Variants in PAPOLA observed in about 807,000 individuals in gnomAD.
PAPOLA encodes poly(A) polymerase alpha, also known as polynucleotide adenylyltransferase alpha.
In PAPOLA, 15 loss-of-function variants were observed where a neutral mutation model predicts 100.6. The ratio of observed to expected loss-of-function variants is 0.15; its 90% confidence interval spans 0.10 to 0.23. PAPOLA has a LOEUF of 0.23. Among genes scored for constraint, PAPOLA ranks in the 10% least tolerant of loss-of-function variants. The pLI, the probability that PAPOLA is intolerant of heterozygous loss-of-function variation, is 1.00. For missense variants in PAPOLA, 533 were observed against 884.2 expected (o/e 0.60, Z 5.04); for synonymous variants, 293 against 300.0 (o/e 0.98, Z 0.24).
At position 96,547,855 on chromosome 14, in the gene PAPOLA, G is replaced by T; in HGVS notation, c.1458G>T (p.Met486Ile). ...MFEVDMKIAA[M>I]HVKRKQLHQL... is the part of the protein sequence containing the mutation. ...AGGTGGATATGAAAATTGCTGCAAT[G>T]CATGTAAAAAGAAAGCAACTCCATC... The change falls in exon 16 of 22, where the codon ATG becomes ATT. Residue 486 changes from methionine to isoleucine, a missense_variant. Physicochemically the swap from Met to Ile is conservative, Grantham distance 10. This residue lies in a region of PAPOLA where 18 missense variants were observed against 74.9 expected (regional missense o/e 0.24). Transcript: ENST00000216277. The T allele has an allele frequency of 6.2e-7, 1 of 1,611,010 alleles. No individual in the cohort carries two copies. The highest frequency in any genetic ancestry group is 1.7e-4 in the Middle Eastern group (1 of 6,046).
intron 9 of PAPOLA, chr14:96,533,009 A>G (rs1187079805): frequency 2.0e-6 from 2 of 988,172 alleles, no homozygotes; most frequent in East Asian, 1.1e-4. Context: ...TTCTCTATCT[A>G]TAGGCCATTA....
chr14:96,509,965 CT>C lies in PAPOLA; in HGVS notation c.8+7385del, dbSNP rs11372552. Among the ~76,000 whole-genome samples, 185 of 84,424 alleles carry C rather than the reference CT, an allele frequency of 2.2e-3. 3 individuals carry two copies. In the East Asian group the frequency reaches 0.034, roughly 16 times the overall value. The allele number at this position is 84,424 out of a possible 152,430, so 55.4% of individuals were successfully genotyped here. On this transcript the variant is annotated intron_variant, in intron 1 of 21. Coordinates refer to ENST00000216277, the MANE Select transcript of PAPOLA (RefSeq NM_032632.5). Reference sequence around the variant, plus strand: ...TGGCCAGTACCTTTTGTGGGAGTTGCTTTTTTTTTTTTTTTTTTTTAATCTT... The same window carrying C: ...TGGCCAGTACCTTTTGTGGGAGTTGCTTTTTTTTTTTTTTTTTTTAATCTT...
chr14:96,532,495 T>C lies in PAPOLA; in HGVS notation c.698-16T>C, dbSNP rs751760920. Reference sequence around the variant, plus strand: ...TTCAACACTAACTTATCTTTTTGCTTTTCCCTTATCAACAGGCCACAACAT... The same window carrying C: ...TTCAACACTAACTTATCTTTTTGCTCTTCCCTTATCAACAGGCCACAACAT... On this transcript the variant is annotated splice_polypyrimidine_tract_variant and intron_variant, in intron 8 of 21. Coordinates refer to ENST00000216277, the MANE Select transcript of PAPOLA (RefSeq NM_032632.5). The C allele has an allele frequency of 6.2e-7, 1 of 1,606,330 alleles. No homozygotes were observed. Among genetic ancestry groups the C allele is most frequent in the Non-Finnish European group, 8.5e-7 (1 of 1,177,876 alleles).
chr14:96,511,601 A>G (rs1207094051), intron 1 of PAPOLA, among the ~76,000 whole-genome samples: 2 of 152,016 alleles, frequency 1.3e-5, no homozygotes, highest in Non-Finnish European at 2.9e-5. Context: ...CCAAACTTCT[A>G]CTTTGCACTT....
intron 7 of PAPOLA, chr14:96,531,827 A>G (rs1740523274): frequency 1.4e-6 from 2 of 1,408,670 alleles, no homozygotes; most frequent in African/African-American, 1.5e-5. Flanking sequence ...TAAAAAGACC[A>G]TCTGACTTTT....
chr14:96,562,716 C>T lies in PAPOLA; in HGVS notation c.2068-103C>T, dbSNP rs1273327190. 8.9e-6 allele frequency: 6 copies of T among 675,446 alleles called. No homozygotes were observed. The Admixed American group carries it at 1.4e-4, about 16-fold the overall frequency. 41.8% of individuals were successfully genotyped at this position (675,446 alleles called of 1,614,324 possible). A position where few individuals can be genotyped will look rare whatever the true frequency, so the allele number is the denominator to read the frequency against. On this transcript the variant is annotated intron_variant, in intron 20 of 21. Transcript: ENST00000216277. ...AGTCACATCTTTCTCTTGATCCCTC[C>T]TGTCTTCCAGTTTGTCTTCTTTATT...
chr14:96,559,581 C>CTCTATA (rs370979875), intron 19 of PAPOLA, among the ~76,000 whole-genome samples: 7,372 of 119,898 alleles, frequency 0.061, 285 homozygotes, highest in Middle Eastern at 0.073. Context: ...CTCTCTCTCT[C>CTCTATA]TATATATATA....
intron 16 of PAPOLA, among the ~76,000 whole-genome samples, chr14:96,551,976 A>AAT (rs1482039946): frequency 6.6e-6 from 1 of 152,200 alleles, no homozygotes; most frequent in Non-Finnish European, 1.5e-5. Context: ...TTTATTGACA[A>AAT]ATAGTAAGGA....
rs762735054 is a variant in PAPOLA at position 96,502,531 on chromosome 14, C to G, written c.-62C>G. 4 of 1,381,242 alleles carry G rather than the reference C, an allele frequency of 2.9e-6. No individual in the cohort carries two copies. Among genetic ancestry groups the G allele is most frequent in the Non-Finnish European group, 4.0e-6 (4 of 1,000,150 alleles). 85.6% of individuals were successfully genotyped at this position (1,381,242 alleles called of 1,614,324 possible). A position where few individuals can be genotyped will look rare whatever the true frequency, so the allele number is the denominator to read the frequency against. ...CCCTCCCGCCTCAGTGGATCATGCCCAGGGCGGCAGCGGCGGCGGTTGCGG... is the reference window on the plus strand; with the variant it reads ...CCCTCCCGCCTCAGTGGATCATGCCGAGGGCGGCAGCGGCGGCGGTTGCGG... On this transcript the variant is annotated 5_prime_UTR_variant, in exon 1 of 22. Coordinates refer to ENST00000216277, the MANE Select transcript of PAPOLA (RefSeq NM_032632.5).
intron 1 of PAPOLA, among the ~76,000 whole-genome samples, chr14:96,511,522 C>T (rs1304382902): frequency 3.9e-5 from 6 of 152,116 alleles, no homozygotes; most frequent in Non-Finnish European, 5.9e-5. Context: ...CTCTCCTTTC[C>T]GATCATTTAC....
chr14:96,527,639 A>G (rs1428338799), intron 5 of PAPOLA, 100 bp downstream of exon 5: 2 of 705,600 alleles, frequency 2.8e-6, no homozygotes, highest in African/African-American at 1.8e-5. Context: ...AGTTCTTGCA[A>G]TTTGCCAAAC....
At chr14:96,538,953 G>A (rs1369019769) in intron 12 of PAPOLA, among the ~76,000 whole-genome samples, 1 of 152,092 alleles carries the variant, frequency 6.6e-6, no homozygotes, top group Non-Finnish European at 1.5e-5. Flanking sequence ...CTTGGAAGGA[G>A]CCAGAACCAT....
At chr14:96,555,253 T>TC (rs1566865092) in intron 17 of PAPOLA, among the ~76,000 whole-genome samples, 2 of 149,290 alleles carry the variant, frequency 1.3e-5, no homozygotes, top group Non-Finnish European at 3.0e-5. Flanking sequence ...TTTTTTTTTT[T>TC]CTTGTAGAGA....
chr14:96,554,951 CTAGTGGCT>C (rs1901176209), intron 17 of PAPOLA, among the ~76,000 whole-genome samples: 1 of 152,082 alleles, frequency 6.6e-6, no homozygotes, highest in Non-Finnish European at 1.5e-5. Flanking sequence ...TAATACTTGG[CTAGTGGCT>C]TTTGGTTGGT....
In PAPOLA at chr14:96,556,368, C is replaced by T. The variant is rs1218711917; in HGVS notation, c.1959C>T (p.Ser653=). 1.2e-6 allele frequency: 2 copies of T among 1,613,800 alleles called. No individual in the cohort carries two copies. Residue 653 remains serine, a synonymous_variant, in exon 19 of 22, where the codon TCC becomes TCT. Coordinates refer to ENST00000216277, the MANE Select transcript of PAPOLA (RefSeq NM_032632.5). The part of the protein sequence containing the change: ...PTPIVGVKRT[S]SPHKEESPKK... ...CTATAGTAGGAGTCAAGAGGACATCCTCACCTCATAAAGAAGAGAGTCCCA... is the reference window on the plus strand; with the variant it reads ...CTATAGTAGGAGTCAAGAGGACATCTTCACCTCATAAAGAAGAGAGTCCCA...
At chr14:96,539,750 T>A (rs1310551242) in intron 12 of PAPOLA, among the ~76,000 whole-genome samples, 1 of 152,162 alleles carries the variant, frequency 6.6e-6, no homozygotes, top group Non-Finnish European at 1.5e-5. Flanking sequence ...CTAATTTAGA[T>A]GTACACTAGG....
chr14:96,559,594 T>TATATAC (rs1161510020), intron 19 of PAPOLA, among the ~76,000 whole-genome samples: 5 of 147,774 alleles, frequency 3.4e-5, no homozygotes, highest in African/African-American at 1.2e-4. Context: ...TATATATATA[T>TATATAC]ATACACACAC....
intron 11 of PAPOLA, among the ~76,000 whole-genome samples, chr14:96,536,707 A>G (rs1232152517): frequency 6.6e-6 from 1 of 152,008 alleles, no homozygotes; most frequent in Non-Finnish European, 1.5e-5. Flanking sequence ...GGGTAACTGG[A>G]GTGTTTAAGA....
intron 15 of PAPOLA, among the ~76,000 whole-genome samples, chr14:96,547,473 G>C (rs1363684412): frequency 6.6e-6 from 1 of 152,022 alleles, no homozygotes; most frequent in African/African-American, 2.4e-5. Context: ...AGCATAAAAG[G>C]GTATGGGTGT....
Sources: allele counts gnomAD v4.1 joint callset (sites outside exome capture counted in the v4.1 genomes callset), GRCh38; gene constraint gnomAD v4.1.1; regional missense constraint gnomAD v4.1.1; transcripts MANE v1.5; gene names NCBI Gene and HGNC (gene_info 2026-07-23, HGNC 2026-07-21).